The following MCOLN2 variants were observed in gnomAD, a reference collection of about 807,000 sequenced individuals.
The protein encoded by MCOLN2 is mucolipin-2.
Under a neutral mutation model 67.5 loss-of-function variants are expected in MCOLN2, and 57 were observed. The observed-to-expected ratio is 0.84, with a 90% CI of 0.68 to 1.05. The LOEUF is 1.05. MCOLN2 is among the 50% of genes least tolerant of loss of function. The pLI is 0.00. For missense variants in MCOLN2, 620 were observed against 678.8 expected (o/e 0.91, Z 0.96); for synonymous variants, 246 against 233.3 (o/e 1.05, Z -0.50).
intron 4 of MCOLN2, among the ~76,000 whole-genome samples, chr1:84,954,034 A>G (rs1051680054): frequency 6.6e-6 from 1 of 152,242 alleles, no homozygotes; most frequent in Non-Finnish European, 1.5e-5. Context: ...CCACAACTGC[A>G]ACTCTTCATT....
intron 1 of MCOLN2, among the ~76,000 whole-genome samples, chr1:84,991,254 G>A (rs902215945): frequency 8.5e-5 from 13 of 152,104 alleles, no homozygotes; most frequent in Non-Finnish European, 1.8e-4. Context: ...TAGATACGGA[G>A]ACTAAAATTC....
intron 8 of MCOLN2, 146 bp from the exon 9 acceptor site, chr1:84,939,848 C>T (rs1041632348): frequency 2.1e-5 from 15 of 730,020 alleles, no homozygotes; most frequent in African/African-American, 9.0e-5. Context: ...GTGGAGGTTA[C>T]GGCACACACT....
At position 84,956,543 on chromosome 1, in the gene MCOLN2, A is replaced by C; in HGVS notation, c.453T>G (p.Tyr151Ter). ...LKDITLGTLG[Y>*]GENEDNRIGL... is the part of the protein sequence containing the mutation. Reference sequence around the variant, plus strand: ...CAATTCTATTGTCTTCATTTTCTCCATAACCAAGGGTCCCCAGGGTAATGT... The same window carrying C: ...CAATTCTATTGTCTTCATTTTCTCCCTAACCAAGGGTCCCCAGGGTAATGT... The change falls in exon 4 of 14, where the codon TAT becomes TAG. Residue 151 changes from tyrosine to a stop codon, truncating the protein, a stop_gained. Coordinates refer to ENST00000370608, the MANE Select transcript of MCOLN2 (RefSeq NM_153259.4). LOFTEE classifies it high-confidence loss of function. 1 of 1,610,796 alleles carries C rather than the reference A, an allele frequency of 6.2e-7. No individual in the cohort carries two copies. Among genetic ancestry groups the C allele is most frequent in the Non-Finnish European group, 8.5e-7 (1 of 1,179,044 alleles).
intron 6 of MCOLN2, among the ~76,000 whole-genome samples, chr1:84,947,359 T>C (rs1051392893): frequency 9.2e-5 from 14 of 151,920 alleles, no homozygotes; most frequent in Non-Finnish European, 1.9e-4. Context: ...AACAACTATA[T>C]TTTGACTGAA....
chr1:84,969,540 C>T (rs984792073), intron 1 of MCOLN2, among the ~76,000 whole-genome samples: 19 of 145,104 alleles, frequency 1.3e-4, no homozygotes, highest in African/African-American at 4.9e-4. Flanking sequence ...CACTGCACTC[C>T]AGTCTGGATG....
chr1:84,927,615 G>C (rs1661225179), intron 13 of MCOLN2, among the ~76,000 whole-genome samples: 1 of 152,186 alleles, frequency 6.6e-6, no homozygotes, highest in African/African-American at 2.4e-5. Context: ...TTGTTGAAGA[G>C]TGACCACAGC....
intron 2 of MCOLN2, among the ~76,000 whole-genome samples, chr1:84,964,762 A>T (rs1649286898): frequency 6.6e-6 from 1 of 152,112 alleles, no homozygotes; most frequent in Non-Finnish European, 1.5e-5. Context: ...CCGCACCTAG[A>T]TCCTTCGCAT....
At chr1:84,993,869 A>T (rs998329980) in intron 1 of MCOLN2, among the ~76,000 whole-genome samples, 15 of 151,704 alleles carry the variant, frequency 9.9e-5, no homozygotes, top group Non-Finnish European at 2.1e-4. Context: ...TGACCTCATG[A>T]TCCACCCGCC....
chr1:84,973,977 T>C (rs1649871639), intron 1 of MCOLN2, among the ~76,000 whole-genome samples: 1 of 152,200 alleles, frequency 6.6e-6, no homozygotes, highest in Admixed American at 6.5e-5. Context: ...AGAGTGCCTC[T>C]GCATGCTGTG....
chr1:84,991,028 C>T (rs1477019255), intron 1 of MCOLN2, among the ~76,000 whole-genome samples: 1 of 152,000 alleles, frequency 6.6e-6, no homozygotes, highest in Non-Finnish European at 1.5e-5. Context: ...TTTTTATAAT[C>T]TCTGTGAAGT....
intron 6 of MCOLN2, among the ~76,000 whole-genome samples, chr1:84,948,571 C>G (rs1457457586): frequency 6.6e-6 from 1 of 152,124 alleles, no homozygotes; most frequent in Non-Finnish European, 1.5e-5. Context: ...CATAATAATT[C>G]TCAAGTAGCA....
intron 1 of MCOLN2, among the ~76,000 whole-genome samples, chr1:84,974,039 G>A (rs1009565522): frequency 4.6e-5 from 7 of 152,148 alleles, no homozygotes; most frequent in African/African-American, 1.2e-4. Flanking sequence ...CCCGGTTAGA[G>A]CAGAAAGGAA....
At chr1:84,981,288 G>A (rs1414580325) in intron 1 of MCOLN2, among the ~76,000 whole-genome samples, 5 of 152,198 alleles carry the variant, frequency 3.3e-5, no homozygotes, top group Non-Finnish European at 2.9e-5. Flanking sequence ...ATATGATCTA[G>A]CAATCCCACT....
intron 11 of MCOLN2, among the ~76,000 whole-genome samples, chr1:84,932,640 C>A (rs1647236424): frequency 6.6e-6 from 1 of 152,162 alleles, no homozygotes; most frequent in South Asian, 2.1e-4. Context: ...CAATCTCCTA[C>A]CAAAGAAACA....
chr1:84,952,779 T>C (rs964016022), intron 4 of MCOLN2, among the ~76,000 whole-genome samples: 1 of 152,228 alleles, frequency 6.6e-6, no homozygotes, highest in African/African-American at 2.4e-5. Flanking sequence ...ATGTACCTCC[T>C]GATACAATGA....
At chr1:84,994,466 T>C (rs1651050784) in intron 1 of MCOLN2, among the ~76,000 whole-genome samples, 1 of 152,246 alleles carries the variant, frequency 6.6e-6, no homozygotes, top group African/African-American at 2.4e-5. Flanking sequence ...CTTAGCTACA[T>C]CTTCCAACTA....
Position 84,952,258 on chromosome 1 carries a change from A to AT in MCOLN2, c.731dup (p.Tyr244Ter). The change falls in exon 6 of 14, where the codon TAT becomes TAAT. Residue 244 changes from tyrosine (Y) to a stop codon, truncating the protein, a stop_gained and frameshift_variant. Transcript: ENST00000370608. LOFTEE classifies it high-confidence loss of function. ...TIHSRELPDC[Y>*]VFQNTIIFDN... ...AGATACTTGCCGTATTCTGAAAGAC[A>AT]TAACAGTCTGGTAACTCACGGGAAT... 2 of 1,610,998 alleles carry AT rather than the reference A, an allele frequency of 1.2e-6. No homozygotes were observed. Among genetic ancestry groups the AT allele is most frequent in the Non-Finnish European group, 1.7e-6 (2 of 1,178,264 alleles).
At chr1:84,932,011 G>A (rs561680009) in intron 11 of MCOLN2, among the ~76,000 whole-genome samples, 20 of 148,430 alleles carry the variant, frequency 1.3e-4, no homozygotes, top group East Asian at 5.9e-4. Context: ...GGGACACAGC[G>A]AGACCCTGTC....
chr1:84,938,996 G>C (rs1027057439), intron 9 of MCOLN2, among the ~76,000 whole-genome samples: 2 of 152,192 alleles, frequency 1.3e-5, no homozygotes, highest in African/African-American at 2.4e-5. Context: ...AAGCCAGAGG[G>C]AGCCGGGATG....
Sources: allele counts gnomAD v4.1 joint callset (sites outside exome capture counted in the v4.1 genomes callset), GRCh38; gene constraint gnomAD v4.1.1; transcripts MANE v1.5; gene names NCBI Gene and HGNC (gene_info 2026-07-23, HGNC 2026-07-21).